Variants in HYCC1 observed in about 807,000 individuals in gnomAD.
HYCC1 encodes hyccin PI4KA lipid kinase complex subunit 1.
the HYCC1 span, among the ~76,000 whole-genome samples, chr7:22,988,015 T>G: frequency 6.6e-6 from 1 of 152,342 alleles, no homozygotes; most frequent in African/African-American, 2.4e-5. Context: ...ATTTTAAAAG[T>G]ACTTAGCAGA....
At chr7:22,953,243 G>A in the HYCC1 span, among the ~76,000 whole-genome samples, 2 of 151,946 alleles carry the variant, frequency 1.3e-5, no homozygotes, top group Non-Finnish European at 2.9e-5. Flanking sequence ...ACCAAAAACA[G>A]GTCAGCAACA....
the HYCC1 span, among the ~76,000 whole-genome samples, chr7:22,990,737 T>C: frequency 6.6e-6 from 1 of 152,128 alleles, no homozygotes; most frequent in South Asian, 2.1e-4. Context: ...CCCTCCAAAC[T>C]GGAAGAAACA....
chr7:22,962,778 C>T, the HYCC1 span, among the ~76,000 whole-genome samples: 2 of 149,000 alleles, frequency 1.3e-5, no homozygotes, highest in Non-Finnish European at 1.5e-5. Flanking sequence ...ACCCCACCAC[C>T]GCCCCAGCCA....
the HYCC1 span, among the ~76,000 whole-genome samples, chr7:22,994,223 T>C: frequency 6.6e-6 from 1 of 152,226 alleles, no homozygotes; most frequent in South Asian, 2.1e-4. Context: ...AATTACAGTA[T>C]ACTGTACAAT....
the HYCC1 span, among the ~76,000 whole-genome samples, chr7:23,000,755 G>T: frequency 5.4e-4 from 82 of 152,090 alleles, no homozygotes; most frequent in African/African-American, 1.8e-3. Context: ...TCCACCTAGG[G>T]CCTGTCCTCT....
the HYCC1 span, among the ~76,000 whole-genome samples, chr7:22,984,339 TAAAAC>T: frequency 0.011 from 1,683 of 152,164 alleles, 24 homozygotes; most frequent in African/African-American, 0.039. Context: ...AAATTCAAAA[TAAAAC>T]AAAAAATATA....
the HYCC1 span, among the ~76,000 whole-genome samples, chr7:22,921,522 T>A: frequency 2.0e-5 from 3 of 152,276 alleles, no homozygotes; most frequent in East Asian, 5.8e-4. Context: ...ATTTGGTATG[T>A]ATAACAACAA....
At chr7:22,937,766 G>A in the HYCC1 span, 1 of 152,116 alleles carries the variant, frequency 6.6e-6, no homozygotes, top group East Asian at 1.9e-4. Context: ...AGACAAATAT[G>A]AGAAAGATAA....
the HYCC1 span, chr7:22,991,082 C>T: frequency 2.5e-6 from 4 of 1,609,792 alleles, no homozygotes; most frequent in Non-Finnish European, 3.4e-6. Flanking sequence ...ACAACCATTC[C>T]TCCACAACCC....
the HYCC1 span, among the ~76,000 whole-genome samples, chr7:23,010,251 T>G: frequency 2.6e-5 from 4 of 152,332 alleles, no homozygotes; most frequent in East Asian, 5.8e-4. Flanking sequence ...TAGCCAAAGC[T>G]CTGAATTCCA....
At chr7:22,914,044 G>C in the HYCC1 span, among the ~76,000 whole-genome samples, 1 of 152,122 alleles carries the variant, frequency 6.6e-6, no homozygotes, top group Non-Finnish European at 1.5e-5. Flanking sequence ...TCCAATTCCA[G>C]TTCTTTTTCC....
chr7:22,979,383 C>T, the HYCC1 span, among the ~76,000 whole-genome samples: 10 of 152,154 alleles, frequency 6.6e-5, no homozygotes, highest in Non-Finnish European at 1.0e-4. Context: ...AATACTTTCT[C>T]CACTCTTGAA....
chr7:22,924,633 G>A, the HYCC1 span, among the ~76,000 whole-genome samples: 2 of 152,252 alleles, frequency 1.3e-5, no homozygotes, highest in African/African-American at 4.8e-5. Context: ...CAAGGCTGGG[G>A]GAGGGGCACC....
chr7:22,966,937 C>A, the HYCC1 span, among the ~76,000 whole-genome samples: 1 of 151,918 alleles, frequency 6.6e-6, no homozygotes. Context: ...AAATGTATGC[C>A]CAAACTAGAA....
chr7:22,945,217 C>G, the HYCC1 span: 1,331 of 292,748 alleles, frequency 4.5e-3, 13 homozygotes, highest in South Asian at 0.012. Context: ...AAAATAGGAG[C>G]TATTAAAAAA....
chr7:22,924,881 C>T, the HYCC1 span, among the ~76,000 whole-genome samples: 2 of 152,222 alleles, frequency 1.3e-5, no homozygotes, highest in African/African-American at 4.8e-5. Context: ...GGCAGACTGC[C>T]TCCTCAAGTA....
the HYCC1 span, chr7:22,984,026 A>G: frequency 6.2e-7 from 1 of 1,600,286 alleles, no homozygotes; most frequent in Non-Finnish European, 8.6e-7. Flanking sequence ...ATAATTTGGT[A>G]AAGATGTTTC....
chr7:22,942,439 T>C, the HYCC1 span: 8 of 152,154 alleles, frequency 5.3e-5, no homozygotes, highest in African/African-American at 1.9e-4. Context: ...ACATTTGCCC[T>C]GGGTAGTCTG....
chr7:22,914,376 C>A, the HYCC1 span, among the ~76,000 whole-genome samples: 206 of 152,272 alleles, frequency 1.4e-3, no homozygotes, highest in African/African-American at 4.7e-3. Context: ...TCACTATGGG[C>A]AAACTTCCAC....
Sources: gnomAD v4.1 joint callset for allele counts (sites outside exome capture counted in the v4.1 genomes callset) on GRCh38, gnomAD v4.1.1 for gene constraint, MANE v1.5 for transcripts, NCBI Gene and HGNC (gene_info 2026-07-23, HGNC 2026-07-21) for gene names.